EDA: variants seen among roughly 807,000 people sequenced by gnomAD.
EDA encodes the protein ectodysplasin-A.
EDA carries 2 observed loss-of-function variants against 23.6 expected under a neutral mutation model. The ratio of observed to expected loss-of-function variants is 0.08; its 90% CI spans 0.03 to 0.27. EDA has a LOEUF of 0.27. EDA is among the 10% of genes least tolerant of loss of function. The probability of loss-of-function intolerance (pLI) is 1.00; values close to 1 mark genes in which losing one functional copy is unlikely to be tolerated. For missense variants in EDA, 229 were observed against 324.2 expected (o/e 0.71, Z 2.26); for synonymous variants, 131 against 132.0 (o/e 0.99, Z 0.05).
Position 70,038,060 on chromosome X carries a change from C to G in EDA, c.*2451C>G, listed in dbSNP as rs948138554. 2.1e-4 allele frequency: 23 copies of G among 111,463 alleles called. No homozygotes were observed. The highest frequency in any genetic ancestry group is 7.2e-4 in the African/African-American group (22 of 30,551). The allele number at this position is 111,463 out of a possible 1,213,427, so 9.2% of individuals were successfully genotyped here. A position where few individuals can be genotyped will look rare whatever the true frequency, so the allele number is the denominator to read the frequency against. On this transcript the variant is annotated 3_prime_UTR_variant, in exon 8 of 8. Transcript: ENST00000374552. ...TAGTGTGACTCCTTATCTCTTTCCACCATACCTTAGAGACTTTGATACTAC... is the reference window on the plus strand; with the variant it reads ...TAGTGTGACTCCTTATCTCTTTCCAGCATACCTTAGAGACTTTGATACTAC...
In EDA at chrX:69,828,666, G is replaced by A. The variant is rs1441746719; in HGVS notation, c.397-128361G>A. 8.0e-5 allele frequency among the ~76,000 whole-genome samples: 9 copies of A among 112,315 alleles called. No individual in the cohort carries two copies. In the East Asian group the frequency reaches 8.5e-4, roughly 11 times the overall value. On this transcript the variant is annotated intron_variant, in intron 1 of 7. Transcript: ENST00000374552. ...AATGCAGAAATCACCTTTCTTCTGC[G>A]TCGCTCACGCTGGGAGCTGTAGACC...
intron 1 of EDA, among the ~76,000 whole-genome samples, chrX:69,647,017 T>G (rs746767375): frequency 8.9e-6 from 1 of 111,783 alleles, no homozygotes; most frequent in Non-Finnish European, 1.9e-5. Flanking sequence ...TTGAATATTG[T>G]CCCCCAGTCT....
chrX:69,741,419 T>G (rs2013457393), intron 1 of EDA, among the ~76,000 whole-genome samples: 1 of 112,147 alleles, frequency 8.9e-6, no homozygotes. Flanking sequence ...AAGTCTACTT[T>G]CCCTACACTA....
At chrX:69,682,794 C>T (rs1437075662) in intron 1 of EDA, among the ~76,000 whole-genome samples, 1 of 111,521 alleles carries the variant, frequency 9.0e-6, no homozygotes, top group Non-Finnish European at 1.9e-5. Context: ...GCCTCACTCT[C>T]CCTGGGAGCT....
intron 1 of EDA, among the ~76,000 whole-genome samples, chrX:69,864,821 C>T (rs2147601340): frequency 9.1e-6 from 1 of 110,292 alleles, no homozygotes; most frequent in East Asian, 2.9e-4. Flanking sequence ...TGAAATCCCA[C>T]CTCTACTAAA....
At chrX:69,978,061 G>A (rs756554630) in intron 2 of EDA, among the ~76,000 whole-genome samples, 3 of 110,430 alleles carry the variant, frequency 2.7e-5, no homozygotes, top group Non-Finnish European at 3.8e-5. Context: ...TGAGGATGTG[G>A]CCACAAGGTC....
intron 1 of EDA, among the ~76,000 whole-genome samples, chrX:69,777,184 C>T (rs1172575539): frequency 1.3e-5 from 1 of 79,381 alleles, no homozygotes; most frequent in Non-Finnish European, 2.9e-5. Context: ...GTTGTTTGGA[C>T]AGGTTTTAGA....
chrX:69,940,525 A>G lies in EDA; in HGVS notation c.397-16502A>G, dbSNP rs750691292. Among the ~76,000 whole-genome samples the G allele has an allele frequency of 1.8e-3, 201 of 110,213 alleles. 1 individual carries two copies. The highest frequency in any genetic ancestry group is 2.9e-3 in the Non-Finnish European group (150 of 52,490). On this transcript the variant is annotated intron_variant, in intron 1 of 7. Coordinates refer to ENST00000374552, the MANE Select transcript of EDA (RefSeq NM_001399.5). Reference sequence around the variant, plus strand: ...GGTTTGTTGATTTTTTTATCTTTTGATAAAAAAACTTTTCATTTTATTGAT... The same window carrying G: ...GGTTTGTTGATTTTTTTATCTTTTGGTAAAAAAACTTTTCATTTTATTGAT...
At chrX:69,922,727 T>C (rs982571157) in intron 1 of EDA, among the ~76,000 whole-genome samples, 1 of 111,804 alleles carries the variant, frequency 8.9e-6, no homozygotes, top group Non-Finnish European at 1.9e-5. Flanking sequence ...AATGTGTCGA[T>C]TTGTGCTTCT....
At chrX:69,812,618 G>A (rs1398848368) in intron 1 of EDA, among the ~76,000 whole-genome samples, 1 of 112,071 alleles carries the variant, frequency 8.9e-6, no homozygotes, top group Non-Finnish European at 1.9e-5. Context: ...ATAAATGTCT[G>A]CAATTACAAT....
rs1401916051 is a variant in EDA, at chrX:69,776,958, C to A, written c.396+160254C>A. Among the ~76,000 whole-genome samples the A allele has an allele frequency of 3.6e-5, 4 of 111,322 alleles. No homozygotes were observed. In the Admixed American group the frequency reaches 3.8e-4, roughly 11 times the overall value. On this transcript the variant is annotated intron_variant, in intron 1 of 7. Transcript: ENST00000374552. ...CTGTATCCTAGAGTCCTGGAGAATA[C>A]AGTTTTAAAACTATTTAAGATCTAA...
chrX:69,713,282 T>C (rs1220243036), intron 1 of EDA, among the ~76,000 whole-genome samples: 1 of 112,222 alleles, frequency 8.9e-6, no homozygotes. Context: ...TTGTATGCTC[T>C]AGTTTCCGCT....
chrX:69,746,800 G>A (rs2013636596), intron 1 of EDA, among the ~76,000 whole-genome samples: 1 of 111,354 alleles, frequency 9.0e-6, no homozygotes, highest in African/African-American at 3.3e-5. Context: ...ATGGTGAGGA[G>A]AGAAATGAGT....
chrX:69,726,266 C>A (rs1246728724), intron 1 of EDA, among the ~76,000 whole-genome samples: 1 of 112,197 alleles, frequency 8.9e-6, no homozygotes, highest in Non-Finnish European at 1.9e-5. Flanking sequence ...TCATCAATTT[C>A]ACAATGCTGA....
At chrX:69,623,116 C>A (rs939307089) in intron 1 of EDA, among the ~76,000 whole-genome samples, 2 of 112,246 alleles carry the variant, frequency 1.8e-5, no homozygotes, top group African/African-American at 6.5e-5. Flanking sequence ...TAAAGCAACT[C>A]CTTTCACCTT....
intron 1 of EDA, among the ~76,000 whole-genome samples, chrX:69,662,592 C>T (rs141852628): frequency 2.1e-3 from 240 of 111,835 alleles, no homozygotes; most frequent in Non-Finnish European, 3.7e-3. Flanking sequence ...AAATTGGCAC[C>T]GAGGTAGTGG....
intron 1 of EDA, among the ~76,000 whole-genome samples, chrX:69,705,237 A>C (rs2011669758): frequency 1.2e-5 from 1 of 83,615 alleles, no homozygotes; most frequent in Non-Finnish European, 2.8e-5. Context: ...AAAAAAAAAA[A>C]AAGAAAGAAA....
intron 1 of EDA, among the ~76,000 whole-genome samples, chrX:69,733,437 C>A (rs1055148015): frequency 1.8e-5 from 2 of 111,425 alleles, no homozygotes; most frequent in African/African-American, 6.5e-5. Flanking sequence ...TTTCTGAGGG[C>A]TCTGTTCTAT....
At chrX:69,807,151 T>G (rs1464796164) in intron 1 of EDA, among the ~76,000 whole-genome samples, 1 of 110,199 alleles carries the variant, frequency 9.1e-6, no homozygotes, top group Non-Finnish European at 1.9e-5. Flanking sequence ...TATTTATGAA[T>G]GGAAACTAGG....
Sources: allele counts gnomAD v4.1 joint callset (sites outside exome capture counted in the v4.1 genomes callset), GRCh38; gene constraint gnomAD v4.1.1; transcripts MANE v1.5; gene names NCBI Gene and HGNC (gene_info 2026-07-23, HGNC 2026-07-21).